Variants in KIF26B observed in about 807,000 individuals in gnomAD.
KIF26B encodes kinesin family member 26B.
A neutral mutation model predicts 151.2 loss-of-function variants in KIF26B; 63 were observed. The observed-to-expected ratio is 0.42, with a 90% CI of 0.34 to 0.51. KIF26B has a LOEUF of 0.51. Ranked by LOEUF, KIF26B falls within the 20% of genes least tolerant of loss-of-function variation. KIF26B has a pLI of 0.07. For synonymous variants in KIF26B, 1,357 were observed against 1,262.1 expected, an observed-to-expected ratio of 1.08 and a Z score of -1.59; for missense variants, 2,813 against 2,913.6, an observed-to-expected ratio of 0.97 and a Z score of 0.79.
At chr1:245,579,518 A>G (rs1027009424) in intron 5 of KIF26B, among the ~76,000 whole-genome samples, 1 of 152,064 alleles carries the variant, frequency 6.6e-6, no homozygotes, top group Admixed American at 6.5e-5. Flanking sequence ...AAATTTAAAA[A>G]GGAGGCTTGG....
intron 2 of KIF26B, among the ~76,000 whole-genome samples, chr1:245,346,674 G>A (rs1433685836): frequency 1.3e-5 from 2 of 151,994 alleles, no homozygotes; most frequent in South Asian, 2.1e-4. Context: ...CCCCATTTCC[G>A]TAACTATACC....
chr1:245,225,974 A>C (rs1669865406), intron 2 of KIF26B: 1 of 152,244 alleles, frequency 6.6e-6, no homozygotes, highest in Non-Finnish European at 1.5e-5. Context: ...TTCACTGAGC[A>C]CATCATGTTA....
chr1:245,437,139 G>T (rs1160394138), intron 4 of KIF26B, among the ~76,000 whole-genome samples: 1 of 152,108 alleles, frequency 6.6e-6, no homozygotes, highest in Non-Finnish European at 1.5e-5. Context: ...TGCCAGCCTT[G>T]GCCTCCCAAA....
chr1:245,339,032 C>T (rs1329024351), intron 2 of KIF26B, among the ~76,000 whole-genome samples: 4 of 149,502 alleles, frequency 2.7e-5, no homozygotes, highest in Admixed American at 1.3e-4. Context: ...GGTTGGAGTG[C>T]AGTAGTGCTA....
chr1:245,574,868 T>C (rs1483123099), intron 5 of KIF26B, among the ~76,000 whole-genome samples: 5 of 125,080 alleles, frequency 4.0e-5, no homozygotes, highest in Admixed American at 9.2e-5. Flanking sequence ...TTTTTTCTTT[T>C]TTTTTTTTTT....
At chr1:245,303,819 T>A (rs1026482718) in intron 2 of KIF26B, among the ~76,000 whole-genome samples, 2 of 152,224 alleles carry the variant, frequency 1.3e-5, no homozygotes, top group Non-Finnish European at 2.9e-5. Flanking sequence ...CTGCCTGAGG[T>A]GCACACAATT....
intron 2 of KIF26B, among the ~76,000 whole-genome samples, chr1:245,342,808 C>T (rs1253008441): frequency 1.3e-5 from 2 of 152,096 alleles, no homozygotes; most frequent in Non-Finnish European, 2.9e-5. Flanking sequence ...ATTAATGTGC[C>T]AGGCGCCGTG....
intron 10 of KIF26B, among the ~76,000 whole-genome samples, chr1:245,671,489 G>T (rs564074923): frequency 6.8e-4 from 103 of 152,264 alleles, no homozygotes; most frequent in African/African-American, 2.4e-3. Context: ...AGTAGGGAGT[G>T]GGGAGTTGTT....
intron 2 of KIF26B, among the ~76,000 whole-genome samples, chr1:245,175,993 G>T (rs917203483): frequency 6.8e-6 from 1 of 148,068 alleles, no homozygotes; most frequent in African/African-American, 2.5e-5. Flanking sequence ...TATAGATATA[G>T]ATATATAGAT....
chr1:245,652,953 C>G (rs1300931747), intron 10 of KIF26B, among the ~76,000 whole-genome samples: 1 of 152,210 alleles, frequency 6.6e-6, no homozygotes, highest in East Asian at 1.9e-4. Flanking sequence ...TTTGGCCTTT[C>G]AAGTGTATCT....
intron 2 of KIF26B, among the ~76,000 whole-genome samples, chr1:245,285,913 T>A (rs1671157105): frequency 6.7e-6 from 1 of 149,638 alleles, no homozygotes; most frequent in Admixed American, 6.7e-5. Context: ...GTGGGAGGAT[T>A]CCTTGAGTCC....
intron 2 of KIF26B, among the ~76,000 whole-genome samples, chr1:245,262,931 C>T (rs989705695): frequency 6.6e-6 from 1 of 152,196 alleles, no homozygotes; most frequent in Non-Finnish European, 1.5e-5. Flanking sequence ...AGAACTTCAT[C>T]CCCATTAGTT....
intron 4 of KIF26B, among the ~76,000 whole-genome samples, chr1:245,450,998 T>A (rs1190818299): frequency 6.6e-6 from 1 of 152,236 alleles, no homozygotes; most frequent in Non-Finnish European, 1.5e-5. Flanking sequence ...GAATTCCTCG[T>A]GCCCACGGCC....
intron 10 of KIF26B, among the ~76,000 whole-genome samples, chr1:245,655,452 T>G (rs1415315220): frequency 2.0e-5 from 3 of 152,242 alleles, no homozygotes; most frequent in Non-Finnish European, 4.4e-5. Flanking sequence ...TCTATCGAAA[T>G]GAACCCTCAT....
At chr1:245,565,058 G>A (rs1308893798) in intron 5 of KIF26B, among the ~76,000 whole-genome samples, 1 of 152,120 alleles carries the variant, frequency 6.6e-6, no homozygotes, top group Non-Finnish European at 1.5e-5. Flanking sequence ...GATCACTTGA[G>A]CCCAGGAGTT....
At chr1:245,460,672 G>T (rs987320879) in intron 4 of KIF26B, among the ~76,000 whole-genome samples, 2 of 152,240 alleles carry the variant, frequency 1.3e-5, no homozygotes, top group Non-Finnish European at 2.9e-5. Context: ...TCAAAGAAAT[G>T]CAACGATGAC....
intron 10 of KIF26B, among the ~76,000 whole-genome samples, chr1:245,660,989 CTTTTT>C (rs35859643): frequency 7.2e-6 from 1 of 138,798 alleles, no homozygotes; most frequent in African/African-American, 2.7e-5. Flanking sequence ...TTTCTTTTTT[CTTTTT>C]TTTTTTTTTG....
intron 3 of KIF26B, among the ~76,000 whole-genome samples, chr1:245,400,490 T>G (rs1391602669): frequency 2.7e-5 from 4 of 148,720 alleles, no homozygotes; most frequent in African/African-American, 9.8e-5. Context: ...GATAGTGAGT[T>G]TTTTTTTTTT....
In KIF26B at chr1:245,704,673, G is replaced by A. The variant is rs752352289; in HGVS notation, c.*2067G>A. 2 of 152,254 alleles carry A rather than the reference G, an allele frequency of 1.3e-5. No homozygotes were observed. Among genetic ancestry groups the A allele is most frequent in the Non-Finnish European group, 2.9e-5 (2 of 68,088 alleles). 9.4% of individuals were successfully genotyped at this position (152,254 alleles called of 1,614,324 possible). A position where few individuals can be genotyped will look rare whatever the true frequency, so the allele number is the denominator to read the frequency against. On this transcript the variant is annotated 3_prime_UTR_variant, in exon 15 of 15. Transcript: ENST00000407071. ...GCCCTGGGAAGCAGGACCTCCCTGA[G>A]CTCCTTAACCTTGACCCCATTCTGC... is the stretch of plus-strand genomic sequence containing the variant.
Sources: gnomAD v4.1 joint callset for allele counts (sites outside exome capture counted in the v4.1 genomes callset) on GRCh38, gnomAD v4.1.1 for gene constraint, MANE v1.5 for transcripts, NCBI Gene and HGNC (gene_info 2026-07-23, HGNC 2026-07-21) for gene names.